Variants in MATN2 observed in about 807,000 individuals in gnomAD.
MATN2 encodes matrilin-2.
MATN2 carries 69 observed loss-of-function variants against 103.2 expected under a neutral mutation model. The observed-to-expected ratio is 0.67, with a 90% confidence interval of 0.55 to 0.82. The LOEUF is 0.82. Among genes scored for constraint, MATN2 ranks in the 40% least tolerant of loss-of-function variants. The probability of loss-of-function intolerance (pLI) is 0.00; values close to 1 mark genes in which losing one functional copy is unlikely to be tolerated. For missense variants in MATN2, 1,023 were observed against 1,211.5 expected, an observed-to-expected ratio of 0.84 and a Z score of 2.31; for synonymous variants, 429 against 450.2, an observed-to-expected ratio of 0.95 and a Z score of 0.60.
In MATN2 at chr8:98,018,084, T is replaced by G; in HGVS notation, c.1787T>G (p.Phe596Cys). Residue 596 changes from phenylalanine to cysteine, a missense_variant, in exon 12 of 19, where the codon TTC becomes TGC. Transcript: ENST00000254898. ...TACACGTGCGAGTGCTTGGAGGGAT[T>G]CCGGCTCGCTGAGGATGGGAAACGC... Reference protein sequence around the residue: ...DSYTCECLEGFRLAEDGKRCR... With the variant: ...DSYTCECLEGCRLAEDGKRCR... 1 of 1,613,944 alleles carries G rather than the reference T, an allele frequency of 6.2e-7. No individual in the cohort carries two copies. The highest frequency in any genetic ancestry group is 2.2e-5 in the East Asian group (1 of 44,874).
intron 1 of MATN2, 44 bp from the exon 2 acceptor site, chr8:97,888,031 C>G: frequency 1.9e-6 from 3 of 1,560,570 alleles, no homozygotes; most frequent in South Asian, 1.2e-5. Flanking sequence ...CAGGGAGACC[C>G]GGAAATCTCA....
intron 6 of MATN2, among the ~76,000 whole-genome samples, chr8:97,988,005 T>C (rs1489859697): frequency 6.6e-6 from 1 of 150,924 alleles, no homozygotes; most frequent in Non-Finnish European, 1.5e-5. Flanking sequence ...TGGACATCAA[T>C]ACATATCCTA....
At chr8:97,974,170 C>A (rs989660604) in intron 5 of MATN2, among the ~76,000 whole-genome samples, 1 of 151,830 alleles carries the variant, frequency 6.6e-6, no homozygotes, top group Admixed American at 6.6e-5. Flanking sequence ...GACAGAATTT[C>A]GCTTGTTGCC....
intron 1 of MATN2, among the ~76,000 whole-genome samples, chr8:97,885,023 C>T (rs1818379529): frequency 6.6e-6 from 1 of 152,186 alleles, no homozygotes; most frequent in South Asian, 2.1e-4. Context: ...CCTCACTCTT[C>T]ACCTATCCTC....
chr8:98,024,338 C>T (rs879502019), intron 13 of MATN2, among the ~76,000 whole-genome samples: 9 of 152,150 alleles, frequency 5.9e-5, no homozygotes, highest in Admixed American at 5.9e-4. Flanking sequence ...AACCCTGTCT[C>T]TACTAAAAAT....
At chr8:97,898,429 C>G (rs1235194162) in intron 2 of MATN2, among the ~76,000 whole-genome samples, 2 of 151,888 alleles carry the variant, frequency 1.3e-5, no homozygotes, top group African/African-American at 4.8e-5. Context: ...AACCTTGTGT[C>G]TACTAAAAAT....
At chr8:97,989,424 G>T (rs550250839) in intron 6 of MATN2, among the ~76,000 whole-genome samples, 1 of 149,554 alleles carries the variant, frequency 6.7e-6, no homozygotes, top group Non-Finnish European at 1.5e-5. Context: ...AGCCGAGATC[G>T]TGCCACTGCA....
chr8:97,883,704 G>A (rs1033939102), intron 1 of MATN2, among the ~76,000 whole-genome samples: 14 of 151,938 alleles, frequency 9.2e-5, no homozygotes, highest in Non-Finnish European at 1.3e-4. Context: ...ACAGGTGCCC[G>A]CCACCACACC....
chr8:97,962,119 C>A (rs1352494210), intron 5 of MATN2, among the ~76,000 whole-genome samples: 1 of 152,180 alleles, frequency 6.6e-6, no homozygotes, highest in East Asian at 1.9e-4. Flanking sequence ...GCAGACATCC[C>A]CCCTGTTTAT....
chr8:97,980,394 T>TGATGGG (rs1234793783), intron 6 of MATN2, among the ~76,000 whole-genome samples: 1 of 152,136 alleles, frequency 6.6e-6, no homozygotes, highest in Non-Finnish European at 1.5e-5. Flanking sequence ...GAGTCAGTGT[T>TGATGGG]CCTCATCAAA....
chr8:97,896,374 G>A (rs977899626), intron 2 of MATN2, among the ~76,000 whole-genome samples: 3 of 152,152 alleles, frequency 2.0e-5, no homozygotes, highest in African/African-American at 4.8e-5. Context: ...GATGAAATCC[G>A]CAGCTTTCCC....
At chr8:98,026,800 A>C (rs771327241) in intron 13 of MATN2, among the ~76,000 whole-genome samples, 58 of 152,374 alleles carry the variant, frequency 3.8e-4, no homozygotes, top group Non-Finnish European at 8.1e-4. Flanking sequence ...TATAGAGTAC[A>C]TTAGATTGTA....
intron 2 of MATN2, among the ~76,000 whole-genome samples, chr8:97,903,420 G>T (rs577248970): frequency 6.6e-6 from 1 of 152,222 alleles, no homozygotes; most frequent in Admixed American, 6.5e-5. Flanking sequence ...AAGGGTAACA[G>T]TAGAATCTAA....
intron 2 of MATN2, among the ~76,000 whole-genome samples, chr8:97,910,357 C>T (rs907352098): frequency 9.2e-5 from 14 of 152,088 alleles, no homozygotes; most frequent in African/African-American, 2.2e-4. Flanking sequence ...CATGCCTGGC[C>T]GATTTGGTTT....
intron 6 of MATN2, among the ~76,000 whole-genome samples, chr8:97,991,540 G>A (rs1397243504): frequency 1.3e-5 from 2 of 152,104 alleles, no homozygotes; most frequent in South Asian, 2.1e-4. Context: ...TGGGCAACAC[G>A]GTGAAACCCC....
chr8:97,889,878 C>T (rs56665063), intron 2 of MATN2, among the ~76,000 whole-genome samples: 7,012 of 152,132 alleles, frequency 0.046, 549 homozygotes, highest in African/African-American at 0.16. Flanking sequence ...TCTCTCCCTC[C>T]CTTCCTCCCT....
intron 10 of MATN2, among the ~76,000 whole-genome samples, chr8:98,010,337 A>G (rs1333045791): frequency 6.6e-6 from 1 of 152,056 alleles, no homozygotes; most frequent in African/African-American, 2.4e-5. Flanking sequence ...CTCTGTGCAC[A>G]TGTCTGAGAA....
At chr8:97,995,608 G>C (rs777088080) in intron 7 of MATN2, among the ~76,000 whole-genome samples, 1 of 152,178 alleles carries the variant, frequency 6.6e-6, no homozygotes, top group African/African-American at 2.4e-5. Flanking sequence ...GGTGTGTACA[G>C]CAGTGTTCTG....
At chr8:97,944,463 T>C (rs1300993103) in intron 4 of MATN2, among the ~76,000 whole-genome samples, 1 of 152,186 alleles carries the variant, frequency 6.6e-6, no homozygotes, top group Non-Finnish European at 1.5e-5. Flanking sequence ...CTAATAACTC[T>C]TTTGCTTTCC....
Sources: allele counts gnomAD v4.1 joint callset (sites outside exome capture counted in the v4.1 genomes callset), GRCh38; gene constraint gnomAD v4.1.1; transcripts MANE v1.5; gene names NCBI Gene and HGNC (gene_info 2026-07-23, HGNC 2026-07-21).